The following OAS2 variants were observed in gnomAD, a reference collection of about 807,000 sequenced individuals.
The protein encoded by OAS2 is 2'-5'-oligoadenylate synthetase 2, also known as 2'-5'-oligoadenylate synthase 2.
OAS2 carries 67 observed loss-of-function variants against 71.3 expected under a neutral mutation model. That is an observed-to-expected ratio of 0.94 (90% CI 0.77 to 1.15). The LOEUF (loss-of-function observed/expected upper bound fraction) is 1.15. Among genes scored for constraint, OAS2 ranks in the 50% most tolerant of loss-of-function variants. OAS2 has a pLI of 0.00. For synonymous variants in OAS2, 327 were observed against 321.8 expected (o/e 1.02, Z -0.17); for missense variants, 789 against 822.5 (o/e 0.96, Z 0.50).
intron 1 of OAS2, 94 bp from the exon 2 acceptor site, chr12:112,986,944 G>T: frequency 2.0e-6 from 3 of 1,490,638 alleles, no homozygotes; most frequent in African/African-American, 1.4e-5. Context: ...GACCATTTTT[G>T]GCTTTTACTT....
chr12:113,003,267 T>C (rs1191982009), intron 6 of OAS2, among the ~76,000 whole-genome samples, 165 bp downstream of exon 6: 2 of 151,658 alleles, frequency 1.3e-5, no homozygotes, highest in Non-Finnish European at 2.9e-5. Flanking sequence ...TTCAGGGGGG[T>C]TGTGGATAGA....
chr12:113,004,452 C>T (rs1293749), intron 6 of OAS2, among the ~76,000 whole-genome samples: 3 of 152,158 alleles, frequency 2.0e-5, no homozygotes, highest in African/African-American at 4.8e-5. Context: ...GCCTAAAATA[C>T]CTACTATCTG....
chr12:113,000,483 C>T (rs75188193), intron 5 of OAS2, among the ~76,000 whole-genome samples: 1 of 8,806 alleles, frequency 1.1e-4, no homozygotes, highest in East Asian at 0.12. Context: ...TGCACACATA[C>T]ACACACACAC....
In OAS2 at chr12:113,009,643, A is replaced by T. The variant is rs1485050471; in HGVS notation, c.*388A>T. 5 of 993,696 alleles carry T rather than the reference A, an allele frequency of 5.0e-6. No individual in the cohort carries two copies. The African/African-American group carries it at 8.7e-5, about 17-fold the overall frequency. The allele number at this position is 993,696 out of a possible 1,614,324, so 61.6% of individuals were successfully genotyped here. On this transcript the variant is annotated 3_prime_UTR_variant, in exon 10 of 10. Transcript: ENST00000392583. ...CTGAAAGCGGCCACGGTGCCTCCAGATGGCAGGTTTGCAATCCAAGCAGGA... is the reference window on the plus strand; with the variant it reads ...CTGAAAGCGGCCACGGTGCCTCCAGTTGGCAGGTTTGCAATCCAAGCAGGA...
chr12:112,999,748 A>T (rs1000640336), intron 5 of OAS2, among the ~76,000 whole-genome samples: 1 of 152,178 alleles, frequency 6.6e-6, no homozygotes, highest in Admixed American at 6.6e-5. Flanking sequence ...TATCCCCCCG[A>T]CCTGACATCT....
intron 1 of OAS2, among the ~76,000 whole-genome samples, chr12:112,979,103 T>C (rs2044055569): frequency 6.6e-6 from 1 of 152,234 alleles, no homozygotes. Flanking sequence ...TTCACTGTGA[T>C]TACTCACTGC....
At position 113,004,845 on chromosome 12, in the gene OAS2, G is replaced by T. The variant is rs1167508233; in HGVS notation, c.1180-89G>T. 3 of 1,354,524 alleles carry T rather than the reference G, an allele frequency of 2.2e-6. No homozygotes were observed. In the Admixed American group the frequency reaches 5.8e-5, roughly 26 times the overall value. 83.9% of individuals were successfully genotyped at this position (1,354,524 alleles called of 1,614,324 possible). A position where few individuals can be genotyped will look rare whatever the true frequency, so the allele number is the denominator to read the frequency against. On this transcript the variant is annotated intron_variant, in intron 6 of 9. Transcript: ENST00000392583. ...CGCAGAACTTGGCCTTGGAAACAGT[G>T]TCAGTTAGCCCAACTGGTGCCAGCC...
chr12:113,001,121 A>T (rs1386637391), intron 5 of OAS2, among the ~76,000 whole-genome samples: 1 of 152,058 alleles, frequency 6.6e-6, no homozygotes, highest in Non-Finnish European at 1.5e-5. Context: ...AGGCGGGAGG[A>T]TCACTTGAGA....
chr12:112,987,463 G>A lies in OAS2; in HGVS notation c.448+155G>A, dbSNP rs371565627. On this transcript the variant is annotated intron_variant, in intron 2 of 9. Coordinates refer to ENST00000392583, the MANE Select transcript of OAS2 (RefSeq NM_002535.3). Reference sequence around the variant, plus strand: ...GGAGAGAAGAATCCCTTCTACCCTGGACTCGCTCTCTTCTCTGGAACTAAC... The same window carrying A: ...GGAGAGAAGAATCCCTTCTACCCTGAACTCGCTCTCTTCTCTGGAACTAAC... 6.8e-5 allele frequency: 99 copies of A among 1,449,968 alleles called. No individual in the cohort carries two copies. The East Asian group carries it at 1.7e-3, about 24-fold the overall frequency. The allele number at this position is 1,449,968 out of a possible 1,614,324, so 89.8% of individuals were successfully genotyped here. A position where few individuals can be genotyped will look rare whatever the true frequency, so the allele number is the denominator to read the frequency against.
chr12:113,005,924 A>AC (rs1565997522), intron 7 of OAS2, among the ~76,000 whole-genome samples: 37 of 34,140 alleles, frequency 1.1e-3, no homozygotes, highest in African/African-American at 1.9e-3. Context: ...ACAACAAAAA[A>AC]AAAAAAAAAA....
At chr12:113,000,617 TCA>T (rs1220766867) in intron 5 of OAS2, among the ~76,000 whole-genome samples, 3 of 146,798 alleles carry the variant, frequency 2.0e-5, no homozygotes, top group South Asian at 2.2e-4. Context: ...ATACATGCAC[TCA>T]CACACATGCA....
At chr12:112,989,179 T>C (rs147168919) in intron 2 of OAS2, among the ~76,000 whole-genome samples, 1,901 of 152,298 alleles carry the variant, frequency 0.012, 38 homozygotes, top group African/African-American at 0.043. Flanking sequence ...CTCATGATAA[T>C]GAATAAATCT....
At chr12:113,007,173 A>C (rs532380250) in intron 8 of OAS2, among the ~76,000 whole-genome samples, 1 of 152,214 alleles carries the variant, frequency 6.6e-6, no homozygotes, top group African/African-American at 2.4e-5. Flanking sequence ...TCCTCATGAC[A>C]GTAAACATCA....
intron 1 of OAS2, among the ~76,000 whole-genome samples, chr12:112,985,871 G>A (rs1412717030): frequency 6.6e-6 from 1 of 152,234 alleles, no homozygotes; most frequent in African/African-American, 2.4e-5. Context: ...GACTCAGGAG[G>A]CTGAGGTGGG....
chr12:113,007,797 G>A lies in OAS2; in HGVS notation c.1749G>A (p.Val583=), dbSNP rs761923365. 1.9e-6 allele frequency: 3 copies of A among 1,614,062 alleles called. No homozygotes were observed. In the African/African-American group the frequency reaches 4.0e-5, roughly 22 times the overall value. ...TIYAWEQGSG[V]PDFDTAEGFR... is the part of the protein sequence containing the mutation. ...ATGCCTGGGAGCAGGGGAGTGGAGTGCCGGATTTTGACACTGCAGAAGGTT... is the reference window on the plus strand; with the variant it reads ...ATGCCTGGGAGCAGGGGAGTGGAGTACCGGATTTTGACACTGCAGAAGGTT... Residue 583 remains valine (V), a synonymous_variant, in exon 9 of 10, where the codon GTG becomes GTA. Coordinates refer to ENST00000392583, the MANE Select transcript of OAS2 (RefSeq NM_002535.3).
At position 113,006,405 on chromosome 12, in the gene OAS2, C is replaced by G. The variant is rs1167429041; in HGVS notation, c.1469-8C>G. ...TAAAGCAGGATGTCAATCTCTCCCT[C>G]ATGCCAGGTCAGCTGAGTTCTGGCT... On this transcript the variant is annotated splice_region_variant and splice_polypyrimidine_tract_variant and intron_variant, in intron 7 of 9. Coordinates refer to ENST00000392583, the MANE Select transcript of OAS2 (RefSeq NM_002535.3). 1 of 1,536,712 alleles carries G rather than the reference C, an allele frequency of 6.5e-7. No homozygotes were observed. The highest frequency in any genetic ancestry group is 1.4e-5 in the African/African-American group (1 of 73,158).
chr12:113,008,223 G>A (rs756905108), intron 9 of OAS2, among the ~76,000 whole-genome samples: 4 of 152,150 alleles, frequency 2.6e-5, no homozygotes, highest in Non-Finnish European at 4.4e-5. Flanking sequence ...AAGAATTAAC[G>A]CTATCATTCA....
intron 4 of OAS2, 43 bp downstream of exon 4, chr12:112,997,798 C>G (rs2044249685): frequency 7.3e-7 from 1 of 1,378,172 alleles, no homozygotes; most frequent in South Asian, 1.4e-5. Flanking sequence ...TCATCATCCG[C>G]ATGCCAGGCA....
chr12:112,995,469 C>CA lies in OAS2; in HGVS notation c.624dup (p.Gln209ThrfsTer35). On this transcript the variant is annotated frameshift_variant, in exon 3 of 10. Transcript: ENST00000392583. LOFTEE classifies it high-confidence loss of function. Reference sequence around the variant, plus strand: ...GATCCTCTTGATAAAGCACTGGCATCAACAGGTAATTTTCCAACTGTCTAT... The same window carrying CA: ...GATCCTCTTGATAAAGCACTGGCATCAAACAGGTAATTTTCCAACTGTCTAT... 1 of 1,611,522 alleles carries CA rather than the reference C, an allele frequency of 6.2e-7. No homozygotes were observed. The highest frequency in any genetic ancestry group is 2.2e-5 in the East Asian group (1 of 44,878).
Sources: allele counts gnomAD v4.1 joint callset (sites outside exome capture counted in the v4.1 genomes callset), GRCh38; gene constraint gnomAD v4.1.1; transcripts MANE v1.5; gene names NCBI Gene and HGNC (gene_info 2026-07-23, HGNC 2026-07-21).